Variants in GPR158 observed in about 807,000 individuals in gnomAD.
GPR158 encodes metabotropic glycine receptor.
Under a neutral mutation model 78.2 loss-of-function variants are expected in GPR158, and 30 were observed. The observed-to-expected ratio is 0.38, with a 90% CI of 0.29 to 0.52. The LOEUF (loss-of-function observed/expected upper bound fraction) is 0.52, where lower values mean the gene tolerates loss of function less well. Among genes scored for constraint, GPR158 ranks in the 20% least tolerant of loss-of-function variants. The pLI, the probability that GPR158 is intolerant of heterozygous loss-of-function variation, is 0.83. For synonymous variants in GPR158, 581 were observed against 591.1 expected, an observed-to-expected ratio of 0.98 and a Z score of 0.25; for missense variants, 1,463 against 1,523.5, an observed-to-expected ratio of 0.96 and a Z score of 0.66.
rs773149000 is a variant in GPR158 at position 25,598,896 on chromosome 10, C to T, written c.3270C>T (p.Ser1090=). ...TGGAAGATGAGAAGCTTTTGATTTC[C>T]AAGACTCCAGTTCTCCCAGAGAGGG... ...SILEDEKLLI[S]KTPVLPERAK... Residue 1090 remains serine (S), a synonymous_variant, in exon 11 of 11, where the codon TCC becomes TCT. Coordinates refer to ENST00000376351, the MANE Select transcript of GPR158 (RefSeq NM_020752.3). 6.2e-7 allele frequency: 1 copy of T among 1,613,988 alleles called. No homozygotes were observed. Among genetic ancestry groups the T allele is most frequent in the Non-Finnish European group, 8.5e-7 (1 of 1,180,008 alleles).
chr10:25,548,664 T>G (rs780521639), intron 5 of GPR158, among the ~76,000 whole-genome samples: 4 of 152,166 alleles, frequency 2.6e-5, no homozygotes, highest in Non-Finnish European at 5.9e-5. Flanking sequence ...CGAGGGAGAC[T>G]GGATTCAAAG....
chr10:25,289,874 C>A (rs1282912788), intron 2 of GPR158, among the ~76,000 whole-genome samples: 1 of 152,096 alleles, frequency 6.6e-6, no homozygotes, highest in East Asian at 1.9e-4. Flanking sequence ...TAGATAATAA[C>A]CTTAGAGAAA....
At chr10:25,513,850 T>C (rs1450437636) in intron 5 of GPR158, among the ~76,000 whole-genome samples, 1 of 152,182 alleles carries the variant, frequency 6.6e-6, no homozygotes, top group East Asian at 1.9e-4. Context: ...TTGGAGTTGA[T>C]TTCCAATATT....
chr10:25,419,077 G>A (rs1205967224), intron 4 of GPR158, among the ~76,000 whole-genome samples: 1 of 151,786 alleles, frequency 6.6e-6, no homozygotes, highest in African/African-American at 2.4e-5. Context: ...TTTTATTTTA[G>A]TAAAATTTTT....
chr10:25,534,615 G>A (rs1312443963), intron 5 of GPR158, among the ~76,000 whole-genome samples: 2 of 151,466 alleles, frequency 1.3e-5, no homozygotes, highest in African/African-American at 2.4e-5. Context: ...TTAGCTGGGT[G>A]TGGTGGCACG....
At chr10:25,349,094 C>G (rs1365908356) in intron 2 of GPR158, among the ~76,000 whole-genome samples, 1 of 152,014 alleles carries the variant, frequency 6.6e-6, no homozygotes, top group Non-Finnish European at 1.5e-5. Context: ...AAATGAGTCT[C>G]ACTGAACTAA....
chr10:25,390,768 G>T (rs1401043779), intron 2 of GPR158, among the ~76,000 whole-genome samples: 1 of 152,224 alleles, frequency 6.6e-6, no homozygotes, highest in African/African-American at 2.4e-5. Context: ...CTAGCTGGCT[G>T]CAGAAATTTA....
intron 3 of GPR158, among the ~76,000 whole-genome samples, chr10:25,396,624 C>G (rs1343149346): frequency 1.3e-5 from 2 of 151,954 alleles, no homozygotes; most frequent in East Asian, 3.9e-4. Flanking sequence ...CATAGTGAGA[C>G]CTTGTCTCAA....
At chr10:25,549,274 C>A (rs576069827) in intron 5 of GPR158, among the ~76,000 whole-genome samples, 1 of 152,220 alleles carries the variant, frequency 6.6e-6, no homozygotes, top group Admixed American at 6.5e-5. Flanking sequence ...TGTCTTCCCC[C>A]TCCTAAGTTT....
intron 2 of GPR158, among the ~76,000 whole-genome samples, chr10:25,224,145 T>C (rs1395077997): frequency 6.6e-6 from 1 of 152,202 alleles, no homozygotes; most frequent in Non-Finnish European, 1.5e-5. Flanking sequence ...TCTTAGTAAC[T>C]AATCTAGATT....
chr10:25,503,346 C>G (rs533222830), intron 5 of GPR158, among the ~76,000 whole-genome samples: 54 of 143,284 alleles, frequency 3.8e-4, no homozygotes, highest in African/African-American at 1.2e-3. Context: ...CACTGCACTC[C>G]TATCTGGGAC....
At chr10:25,577,783 A>G (rs78962700) in intron 7 of GPR158, among the ~76,000 whole-genome samples, 23,718 of 152,166 alleles carry the variant, frequency 0.16, 3,312 homozygotes, top group African/African-American at 0.37. Flanking sequence ...TAGAAGGGGG[A>G]AAATGGTTTT....
chr10:25,489,700 C>T (rs758018741), intron 5 of GPR158, among the ~76,000 whole-genome samples: 3 of 152,070 alleles, frequency 2.0e-5, no homozygotes, highest in Non-Finnish European at 2.9e-5. Flanking sequence ...CTTCAGTCGC[C>T]TCCTTCATGT....
At chr10:25,483,737 A>C (rs1278484652) in intron 5 of GPR158, among the ~76,000 whole-genome samples, 2 of 152,174 alleles carry the variant, frequency 1.3e-5, no homozygotes, top group Non-Finnish European at 2.9e-5. Context: ...TTCATAGATT[A>C]ACATGTGGAG....
chr10:25,531,573 A>G (rs1314630995), intron 5 of GPR158, among the ~76,000 whole-genome samples: 1 of 152,198 alleles, frequency 6.6e-6, no homozygotes, highest in Non-Finnish European at 1.5e-5. Flanking sequence ...GAGATGAGGC[A>G]GTGAGTCAGA....
intron 1 of GPR158, among the ~76,000 whole-genome samples, chr10:25,202,257 C>A (rs957856845): frequency 6.6e-6 from 1 of 151,684 alleles, no homozygotes; most frequent in African/African-American, 2.4e-5. Context: ...GGAATTTATC[C>A]ATTTTTTTTT....
chr10:25,244,777 A>G (rs1255419763), intron 2 of GPR158: 1 of 152,078 alleles, frequency 6.6e-6, no homozygotes, highest in Non-Finnish European at 1.5e-5. Context: ...TCAATGAAGA[A>G]GTTTTGATAC....
chr10:25,396,228 T>A (rs949097063), intron 3 of GPR158, among the ~76,000 whole-genome samples: 2 of 152,196 alleles, frequency 1.3e-5, no homozygotes, highest in African/African-American at 4.8e-5. Context: ...TATATATTAG[T>A]TTTTAATACA....
At chr10:25,362,321 T>G (rs1855652388) in intron 2 of GPR158, among the ~76,000 whole-genome samples, 1 of 151,960 alleles carries the variant, frequency 6.6e-6, no homozygotes, top group African/African-American at 2.4e-5. Flanking sequence ...TACATGTCTG[T>G]CTTTATGTCA....
Sources: allele counts gnomAD v4.1 joint callset (sites outside exome capture counted in the v4.1 genomes callset), GRCh38; gene constraint gnomAD v4.1.1; transcripts MANE v1.5; gene names NCBI Gene and HGNC (gene_info 2026-07-23, HGNC 2026-07-21).